The following CDH3 variants were observed in gnomAD, a reference collection of about 807,000 sequenced individuals.
CDH3 encodes cadherin-3.
A neutral mutation model predicts 82.0 loss-of-function variants in CDH3; 54 were observed. The observed-to-expected ratio is 0.66, with a 90% CI of 0.53 to 0.83. The LOEUF is 0.83. Ranked by LOEUF, CDH3 falls within the 40% of genes least tolerant of loss-of-function variation. The pLI is 0.00. For synonymous variants in CDH3, 446 were observed against 437.9 expected, an observed-to-expected ratio of 1.02 and a Z score of -0.23; for missense variants, 1,054 against 1,084.6, an observed-to-expected ratio of 0.97 and a Z score of 0.40.
At chr16:68,654,430 C>T (rs1256711962) in intron 2 of CDH3, among the ~76,000 whole-genome samples, 1 of 86,920 alleles carries the variant, frequency 1.2e-5, no homozygotes, top group Non-Finnish European at 2.0e-5. Flanking sequence ...CGGCTGGGTG[C>T]GTTGGCTCAC....
At chr16:68,729,475 A>C (rs1962260921), downstream of CDH3, among the ~76,000 whole-genome samples, 1 of 152,198 alleles carries the variant, frequency 6.6e-6, no homozygotes, top group South Asian at 2.1e-4. Context: ...GTATACAAAT[A>C]CCAAAACTCA....
intron 1 of CDH3, among the ~76,000 whole-genome samples, chr16:68,722,130 GCT>G (rs1962171844): frequency 6.6e-6 from 1 of 152,136 alleles, no homozygotes; most frequent in South Asian, 2.1e-4. Flanking sequence ...CTTGCTTATT[GCT>G]CTGGGTTGTA....
At chr16:68,717,598 C>A (rs1179426929) in intron 1 of CDH3, among the ~76,000 whole-genome samples, 1 of 151,982 alleles carries the variant, frequency 6.6e-6, no homozygotes, top group East Asian at 1.9e-4. Context: ...CATGGTGAAA[C>A]CCCGTCTCTA....
chr16:68,685,626 T>A (rs1310793742), intron 11 of CDH3, among the ~76,000 whole-genome samples: 1 of 149,120 alleles, frequency 6.7e-6, no homozygotes, highest in South Asian at 2.1e-4. Context: ...GCCAACATGG[T>A]GAAACCCCGT....
chr16:68,662,400 G>A (rs1345557994), intron 2 of CDH3, among the ~76,000 whole-genome samples: 1 of 152,156 alleles, frequency 6.6e-6, no homozygotes, highest in East Asian at 1.9e-4. Flanking sequence ...CTAGGCTGTA[G>A]TGCATGATGA....
intron 2 of CDH3, among the ~76,000 whole-genome samples, chr16:68,654,685 C>G (rs185574825): frequency 7.9e-6 from 1 of 126,602 alleles, no homozygotes; most frequent in Admixed American, 8.2e-5. Context: ...GCTGGGTGAC[C>G]GAGCAAGACT....
intron 2 of CDH3, among the ~76,000 whole-genome samples, chr16:68,665,408 T>TAATA (rs1232838339): frequency 1.3e-5 from 2 of 151,980 alleles, no homozygotes; most frequent in African/African-American, 4.8e-5. Context: ...TCTCAAAAAA[T>TAATA]AATAAATAAA....
rs1044444055 is a variant in CDH3, at chr16:68,654,344, C to G, written c.160+8594C>G. On this transcript the variant is annotated intron_variant, in intron 2 of 15. Transcript: ENST00000264012. ...AAAGTGCTGGGATTACAGGTGTGAG[C>G]CACCGCACCTGGCCTTTTTCTTAAT... Among the ~76,000 whole-genome samples the G allele has an allele frequency of 1.6e-3, 229 of 139,712 alleles. 1 individual carries two copies. Among genetic ancestry groups the G allele is most frequent in the African/African-American group, 4.7e-3 (177 of 37,514 alleles). 91.7% of individuals were successfully genotyped at this position (139,712 alleles called of 152,430 possible). A position where few individuals can be genotyped will look rare whatever the true frequency, so the allele number is the denominator to read the frequency against.
In CDH3 at chr16:68,685,349, T is replaced by G. The variant is rs770428501; in HGVS notation, c.1569T>G (p.Asn523Lys). The stretch of plus-strand genomic sequence containing the variant: ...AAGTCATGGTCTTGGCCATGGACAA[T>G]GGTGAGAGCATCCTCCCAGCCCTCC... ...IYEVMVLAMD[N>K]GSPPTTGTGT... Residue 523 changes from asparagine to lysine, a missense_variant and splice_region_variant, in exon 11 of 16, where the codon AAT becomes AAG. Physicochemically the swap from Asn to Lys is moderately conservative, Grantham distance 94. Transcript: ENST00000264012. 1.2e-5 allele frequency: 19 copies of G among 1,613,962 alleles called. No individual in the cohort carries two copies. The highest frequency in any genetic ancestry group is 3.4e-6 in the Non-Finnish European group (4 of 1,180,004).
At chr16:68,679,301 T>C (rs565807168) in intron 6 of CDH3, among the ~76,000 whole-genome samples, 1 of 152,322 alleles carries the variant, frequency 6.6e-6, no homozygotes, top group East Asian at 1.9e-4. Context: ...AGATTAGAAA[T>C]ACCATGTGCA....
At chr16:68,681,309 C>G (rs1767792400) in intron 8 of CDH3, among the ~76,000 whole-genome samples, 1 of 152,172 alleles carries the variant, frequency 6.6e-6, no homozygotes, top group South Asian at 2.1e-4. Flanking sequence ...TTCTGAGTTT[C>G]AAATGAAATA....
rs550087307 is a variant in CDH3, at chr16:68,724,093, G to T, written c.*45+1477G>T. On this transcript the variant is annotated intron_variant, in intron 2 of 2. Coordinates refer to the CDH3 transcript ENST00000569080. ...CAAAAAAAAAAAAAAAAAATTAGCCGGGTGTGGTGGCGCACACCGTAATCC... is the reference window on the plus strand; with the variant it reads ...CAAAAAAAAAAAAAAAAAATTAGCCTGGTGTGGTGGCGCACACCGTAATCC... 4.1e-5 allele frequency among the ~76,000 whole-genome samples: 6 copies of T among 148,070 alleles called. No homozygotes were observed. The South Asian group carries it at 6.5e-4, about 16-fold the overall frequency.
At chr16:68,694,278 A>C (rs1309509747) in intron 13 of CDH3, among the ~76,000 whole-genome samples, 2 of 136,908 alleles carry the variant, frequency 1.5e-5, no homozygotes, top group African/African-American at 2.8e-5. Flanking sequence ...CTGACACTGC[A>C]CTCCAGTCTG....
chr16:68,729,163 C>G (rs8063285), downstream of CDH3, among the ~76,000 whole-genome samples: 122,419 of 151,968 alleles, frequency 0.81, 50,075 homozygotes, highest in Non-Finnish European at 0.89. Context: ...AAATTAGCTG[C>G]TCATGGTGGT....
chr16:68,667,612 A>C (rs569561718), intron 2 of CDH3, among the ~76,000 whole-genome samples: 1 of 152,290 alleles, frequency 6.6e-6, no homozygotes, highest in South Asian at 2.1e-4. Flanking sequence ...TTCCAACCTA[A>C]AAGCAGGCCT....
chr16:68,699,865 AG>A lies in CDH3; in HGVS notation c.*1466del, dbSNP rs1302461765. ...AAATGGGGAGTTTTTGTGGAGATTAAGTGAATTAATATCTGGCACATGGTCC... is the reference window on the plus strand; with the variant it reads ...AAATGGGGAGTTTTTGTGGAGATTAATGAATTAATATCTGGCACATGGTCC... On this transcript the variant is annotated 3_prime_UTR_variant, in exon 16 of 16. Coordinates refer to ENST00000264012, the MANE Select transcript of CDH3 (RefSeq NM_001793.6). 6.6e-6 allele frequency: 1 copy of A among 152,206 alleles called. No homozygotes were observed. Among genetic ancestry groups the A allele is most frequent in the Non-Finnish European group, 1.5e-5 (1 of 68,038 alleles). 9.4% of individuals were successfully genotyped at this position (152,206 alleles called of 1,614,324 possible). A position where few individuals can be genotyped will look rare whatever the true frequency, so the allele number is the denominator to read the frequency against.
rs1305151947 is a variant in CDH3, at chr16:68,678,627, C to G, written c.517C>G (p.Leu173Val). ...ETGWLLLNKP[L>V]DREEIAKYEL... ...AGGCTGGTTGTTGTTGAATAAGCCACTGGACCGGGAGGAGATTGCCAAGTA... is the reference window on the plus strand; with the variant it reads ...AGGCTGGTTGTTGTTGAATAAGCCAGTGGACCGGGAGGAGATTGCCAAGTA... Residue 173 changes from leucine to valine, a missense_variant, in exon 5 of 16, where the codon CTG (leucine) becomes GTG (valine). Coordinates refer to ENST00000264012, the MANE Select transcript of CDH3 (RefSeq NM_001793.6). 1 of 1,614,252 alleles carries G rather than the reference C, an allele frequency of 6.2e-7. No individual in the cohort carries two copies. Among genetic ancestry groups the G allele is most frequent in the Admixed American group, 1.7e-5 (1 of 60,024 alleles).
intron 12 of CDH3, among the ~76,000 whole-genome samples, chr16:68,688,074 C>T (rs1317366945): frequency 6.6e-6 from 1 of 151,500 alleles, no homozygotes; most frequent in Non-Finnish European, 1.5e-5. Context: ...GGTCCTGACT[C>T]TCGCTATGTG....
Position 68,682,404 on chromosome 16 carries a change from C to G in CDH3, c.1099C>G (p.Leu367Val), listed in dbSNP as rs548335763. The G allele has an allele frequency of 2.5e-6, 4 of 1,614,010 alleles. No homozygotes were observed. The highest frequency in any genetic ancestry group is 1.1e-5 in the South Asian group (1 of 91,088). ...CTCACCAGCGTGGCGTGCCACCTAC[C>G]TTATCATGGGCGGTGACGACGGGGA... The part of the protein sequence containing the change: ...PNSPAWRATY[L>V]IMGGDDGDHF... Residue 367 changes from leucine (L) to valine (V), a missense_variant, in exon 9 of 16, where the codon CTT (leucine) becomes GTT (valine). Leu to Val is a conservative substitution (Grantham distance 32, BLOSUM62 1). Transcript: ENST00000264012.
Sources: allele counts gnomAD v4.1 joint callset (sites outside exome capture counted in the v4.1 genomes callset), GRCh38; gene constraint gnomAD v4.1.1; transcripts MANE v1.5; gene names NCBI Gene and HGNC (gene_info 2026-07-23, HGNC 2026-07-21).